ZNF608: variants seen among roughly 807,000 people sequenced by gnomAD.
The protein encoded by ZNF608 is renal carcinoma antigen NY-REN-36.
A neutral mutation model predicts 109.0 loss-of-function variants in ZNF608; 12 were observed. The observed-to-expected ratio is 0.11, with a 90% CI of 0.07 to 0.18. ZNF608 has a LOEUF of 0.18. Ranked by LOEUF, ZNF608 falls within the 10% of genes least tolerant of loss-of-function variation. The pLI is 1.00. For synonymous variants in ZNF608, 732 were observed against 717.4 expected (o/e 1.02, Z -0.33); for missense variants, 1,707 against 1,879.3 (o/e 0.91, Z 1.70).
chr5:124,646,835 C>T lies in ZNF608; in HGVS notation c.3549G>A (p.Ser1183=), dbSNP rs767622484. Residue 1183 remains serine (S), a synonymous_variant, in exon 5 of 10, where the codon TCG becomes TCA. Coordinates refer to ENST00000513986, the MANE Select transcript of ZNF608 (RefSeq NM_020747.3). The stretch of plus-strand genomic sequence containing the variant: ...GCTGCTGGTGATTGGAGAGAAGCTG[C>T]GATTTACCTGTCTCCTCAGTTTTAT... ...VPNKTEETGK[S]QLLSNHQQQL... is the part of the protein sequence containing the mutation. 1.8e-5 allele frequency: 29 copies of T among 1,614,086 alleles called. No homozygotes were observed. Among genetic ancestry groups the T allele is most frequent in the East Asian group, 1.6e-4 (7 of 44,902 alleles).
rs1387168149 is a variant in ZNF608, at chr5:124,744,519, C to T, written c.471G>A (p.Val157=). The stretch of plus-strand genomic sequence containing the variant: ...TTGGGTTGCCGCTGCCGCCGCTGCT[C>T]ACACTTTGACCCAGCGCTGAATTCA... The part of the protein sequence containing the change: ...TGMNSALGQS[V]SSGGSGNPNS... Residue 157 remains valine, a synonymous_variant, in exon 2 of 10, where the codon GTG becomes GTA. Coordinates refer to ENST00000513986, the MANE Select transcript of ZNF608 (RefSeq NM_020747.3). This position sits in a 1 kb window ranked among gnomAD's most constrained non-coding sequence, Gnocchi z 4.5. 1.9e-6 allele frequency: 3 copies of T among 1,614,212 alleles called. No individual in the cohort carries two copies. Among genetic ancestry groups the T allele is most frequent in the Non-Finnish European group, 2.5e-6 (3 of 1,180,044 alleles).
At chr5:124,733,767 G>C (rs549299274) in intron 2 of ZNF608, among the ~76,000 whole-genome samples, 1 of 152,106 alleles carries the variant, frequency 6.6e-6, no homozygotes, top group Non-Finnish European at 1.5e-5. Context: ...TAGTCATTGA[G>C]TAAGAAGAAA....
At chr5:124,723,331 C>A (rs953550409) in intron 2 of ZNF608, among the ~76,000 whole-genome samples, 1 of 152,084 alleles carries the variant, frequency 6.6e-6, no homozygotes, top group Admixed American at 6.6e-5. Flanking sequence ...TAATTCATTG[C>A]CTTTTATGGC....
intron 3 of ZNF608, among the ~76,000 whole-genome samples, chr5:124,671,783 G>A (rs1424763266): frequency 2.0e-5 from 3 of 151,778 alleles, no homozygotes; most frequent in Admixed American, 6.6e-5. Context: ...CTACAGGCAT[G>A]AGCCACCACA....
chr5:124,714,512 CTG>C (rs1753619386), intron 2 of ZNF608, among the ~76,000 whole-genome samples: 1 of 152,138 alleles, frequency 6.6e-6, no homozygotes, highest in African/African-American at 2.4e-5. Context: ...AGTGTGGTCT[CTG>C]TGCTTCAATC....
At chr5:124,745,373 C>T (rs991473396) in intron 1 of ZNF608, 5 of 192,740 alleles carry the variant, frequency 2.6e-5, no homozygotes, top group East Asian at 1.6e-4. Flanking sequence ...AAGCATCTTA[C>T]GGTAGCTAAA....
rs1201489047 is a variant in ZNF608, at chr5:124,643,505, G to T, written c.4296+6C>A. On this transcript the variant is annotated splice_donor_region_variant and intron_variant, in intron 7 of 9. Coordinates refer to ENST00000513986, the MANE Select transcript of ZNF608 (RefSeq NM_020747.3). ...TACTTTTAAATAACAACAAAAGGAG[G>T]CTTACAGCAGGAGACTTGCTGCGGT... is the stretch of plus-strand genomic sequence containing the variant. The T allele has an allele frequency of 1.9e-6, 3 of 1,613,166 alleles. No individual in the cohort carries two copies. The highest frequency in any genetic ancestry group is 2.5e-6 in the Non-Finnish European group (3 of 1,179,386).
At chr5:124,663,071 T>A (rs1751340574) in intron 3 of ZNF608, among the ~76,000 whole-genome samples, 1 of 152,232 alleles carries the variant, frequency 6.6e-6, no homozygotes, top group African/African-American at 2.4e-5. Flanking sequence ...GTCCTTTGCT[T>A]AAAATAACTA....
rs1749538428 is a variant in ZNF608, at chr5:124,744,150, C to T, written c.840G>A (p.Met280Ile). 1 of 1,613,010 alleles carries T rather than the reference C, an allele frequency of 6.2e-7. No individual in the cohort carries two copies. The highest frequency in any genetic ancestry group is 1.7e-5 in the Admixed American group (1 of 59,954). Residue 280 changes from methionine (M) to isoleucine (I), a missense_variant, in exon 2 of 10, where the codon ATG becomes ATA. By Grantham distance (10) the Met-to-Ile change is conservative. This residue lies in a region of ZNF608 where 407 missense variants were observed against 398.7 expected (regional missense o/e 1.02). Transcript: ENST00000513986. This position sits in a 1 kb window ranked among gnomAD's most constrained non-coding sequence, Gnocchi z 4.5. ...APDSGLMGNS[M>I]LVKKEEEEEE... ...CCTCCTCCTCTTCCTTCTTTACCAACATAGAGTTTCCCATGAGCCCTGAAT... is the reference window on the plus strand; with the variant it reads ...CCTCCTCCTCTTCCTTCTTTACCAATATAGAGTTTCCCATGAGCCCTGAAT...
rs1750590357 is a variant in ZNF608, at chr5:124,647,675, C to A, written c.2709G>T (p.Arg903Ser). The change falls in exon 5 of 10, where the codon AGG becomes AGT. Residue 903 changes from arginine (R) to serine (S), a missense_variant. Around this residue, in one of 7 missense-constraint regions of ZNF608, gnomAD observed 1,073 missense variants for 1,133.5 expected, o/e 0.95. Coordinates refer to ENST00000513986, the MANE Select transcript of ZNF608 (RefSeq NM_020747.3). ...APSPSIGSAS[R>S]LECSTLVNGQ... ...CGTTCACCAAAGTGCTGCATTCCAG[C>A]CTCGAGGCGCTCCCTATGGAAGGGC... is the stretch of plus-strand genomic sequence containing the variant. The A allele has an allele frequency of 6.2e-7, 1 of 1,614,234 alleles. No homozygotes were observed. Among genetic ancestry groups the A allele is most frequent in the Admixed American group, 1.7e-5 (1 of 60,032 alleles).
At chr5:124,715,329 C>G (rs1753648330) in intron 2 of ZNF608, among the ~76,000 whole-genome samples, 1 of 152,164 alleles carries the variant, frequency 6.6e-6, no homozygotes, top group Non-Finnish European at 1.5e-5. Context: ...CAGGATCACG[C>G]TCTCTTGGCA....
At chr5:124,706,257 G>C (rs1753256344) in intron 2 of ZNF608, among the ~76,000 whole-genome samples, 1 of 152,184 alleles carries the variant, frequency 6.6e-6, no homozygotes, top group South Asian at 2.1e-4. Context: ...GCCTTCATCT[G>C]TAAAACGGAA....
At chr5:124,747,640 GC>G (rs923981485), upstream of ZNF608, among the ~76,000 whole-genome samples, 1 of 59,928 alleles carries the variant, frequency 1.7e-5, no homozygotes, top group African/African-American at 6.3e-5. Flanking sequence ...TCCTCCCCCC[GC>G]CCCCCCGCAG....
intron 3 of ZNF608, among the ~76,000 whole-genome samples, chr5:124,674,128 T>G (rs1751840550): frequency 6.6e-6 from 1 of 152,188 alleles, no homozygotes. Flanking sequence ...CTAAACATTC[T>G]CCTGTAGATT....
At chr5:124,650,598 G>A (rs769798975) in intron 3 of ZNF608, among the ~76,000 whole-genome samples, 2 of 152,192 alleles carry the variant, frequency 1.3e-5, no homozygotes, top group African/African-American at 4.8e-5. Context: ...AAATGTCACA[G>A]AGAAAATATA....
chr5:124,666,292 T>A (rs1452131951), intron 3 of ZNF608: 1 of 152,262 alleles, frequency 6.6e-6, no homozygotes, highest in Non-Finnish European at 1.5e-5. Context: ...ATTCAGATGA[T>A]GTTTCCTGTT....
chr5:124,702,389 G>A (rs1282014362), intron 2 of ZNF608, among the ~76,000 whole-genome samples: 2 of 152,152 alleles, frequency 1.3e-5, no homozygotes, highest in East Asian at 1.9e-4. Context: ...TAAAAAGGGC[G>A]CATCGAAGAT....
In ZNF608 at chr5:124,648,822, T is replaced by C. The variant is rs1750657168; in HGVS notation, c.1562A>G (p.Lys521Arg). ...NSSSEDNKPG[K>R]RVRTNSRSTP... ...GCTTCTGGAATTTGTGCGGACACGCTTTCCAGGCTTATTGTCCTCAGAGCT... is the reference window on the plus strand; with the variant it reads ...GCTTCTGGAATTTGTGCGGACACGCCTTCCAGGCTTATTGTCCTCAGAGCT... Residue 521 changes from lysine (K) to arginine (R), a missense_variant, in exon 5 of 10, where the codon AAG becomes AGG. Lys to Arg is a conservative substitution (Grantham distance 26). Coordinates refer to ENST00000513986, the MANE Select transcript of ZNF608 (RefSeq NM_020747.3). 4 of 1,614,192 alleles carry C rather than the reference T, an allele frequency of 2.5e-6. No homozygotes were observed. The South Asian group carries it at 4.4e-5, about 18-fold the overall frequency.
chr5:124,726,043 A>G (rs1210813625), intron 2 of ZNF608, among the ~76,000 whole-genome samples: 2 of 152,194 alleles, frequency 1.3e-5, no homozygotes, highest in African/African-American at 4.8e-5. Context: ...TTTACCCCAG[A>G]AACGATTTGT....
Sources: gnomAD v4.1 joint callset for allele counts (sites outside exome capture counted in the v4.1 genomes callset) on GRCh38, gnomAD v4.1.1 for gene constraint, gnomAD v4.1.1 regional missense constraint, Gnocchi (gnomAD v3.1) non-coding constraint, MANE v1.5 for transcripts, NCBI Gene and HGNC (gene_info 2026-07-23, HGNC 2026-07-21) for gene names.